The following ASTN1 variants were observed in gnomAD, a reference collection of about 807,000 sequenced individuals.
The protein encoded by ASTN1 is astrotactin 1, also known as astrotactin-1.
ASTN1 carries 41 observed loss-of-function variants against 140.7 expected under a neutral mutation model. The observed-to-expected ratio is 0.29, with a 90% CI of 0.23 to 0.38. ASTN1 has a LOEUF of 0.38. ASTN1 is among the 10% of genes least tolerant of loss of function. ASTN1 has a pLI of 1.00. For synonymous variants in ASTN1, 640 were observed against 652.2 expected, an observed-to-expected ratio of 0.98 and a Z score of 0.29; for missense variants, 1,479 against 1,678.8, an observed-to-expected ratio of 0.88 and a Z score of 2.08.
At chr1:176,911,721 G>A (rs2103060548) in intron 16 of ASTN1, among the ~76,000 whole-genome samples, 1 of 152,208 alleles carries the variant, frequency 6.6e-6, no homozygotes, top group Admixed American at 6.5e-5. Flanking sequence ...TGGAAGACCT[G>A]CCTGAAGCTG....
At chr1:177,081,339 A>C (rs1230170868) in intron 1 of ASTN1, among the ~76,000 whole-genome samples, 1 of 152,210 alleles carries the variant, frequency 6.6e-6, no homozygotes, top group African/African-American at 2.4e-5. Flanking sequence ...GATTACAAAT[A>C]TGAATGAGCT....
rs201680062 is a variant in ASTN1, at chr1:176,934,300, A to C, written c.2523T>G (p.Ser841=). ...NALHSLDGAT[S]RADFVALLDQ... ...CCAACAGCGCCACAAAATCTGCACG[A>C]GATGTAGCCCCATCCAGCGAGTGGA... The change falls in exon 16 of 23, where the codon TCT becomes TCG. Residue 841 remains serine, a synonymous_variant. Transcript: ENST00000361833. 9 of 1,613,950 alleles carry C rather than the reference A, an allele frequency of 5.6e-6. No homozygotes were observed. The highest frequency in any genetic ancestry group is 6.8e-6 in the Non-Finnish European group (8 of 1,179,882).
At position 176,946,024 on chromosome 1, in the gene ASTN1, C is replaced by T; in HGVS notation, c.2151G>A (p.Glu717=). ...CAAAGAGGGTCTGGTTCATGGGAAG[C>T]TCCCTGCTTTCCCCACAGTCACTTC... ...PEGSDCGESR[E]LPMNQTLFGE... is the part of the protein sequence containing the mutation. Residue 717 remains glutamate, a synonymous_variant, in exon 13 of 23, where the codon GAG becomes GAA. Coordinates refer to ENST00000361833, the MANE Select transcript of ASTN1 (RefSeq NM_004319.3). 3 of 1,614,154 alleles carry T rather than the reference C, an allele frequency of 1.9e-6. No homozygotes were observed. The highest frequency in any genetic ancestry group is 1.3e-5 in the African/African-American group (1 of 75,064).
Position 177,018,255 on chromosome 1 carries a change from C to T in ASTN1, c.1439-3380G>A, listed in dbSNP as rs548413404. Among the ~76,000 whole-genome samples the T allele has an allele frequency of 8.5e-5, 13 of 152,248 alleles. No individual in the cohort carries two copies. The East Asian group carries it at 1.5e-3, about 18-fold the overall frequency. On this transcript the variant is annotated intron_variant, in intron 7 of 22. Transcript: ENST00000361833. ...AAGGTGCTTTAATGGAGTTACAGAACGGAGTGTAGCATGTGTTAGCAATCC... is the reference window on the plus strand; with the variant it reads ...AAGGTGCTTTAATGGAGTTACAGAATGGAGTGTAGCATGTGTTAGCAATCC...
At chr1:176,968,045 T>C (rs986172436) in intron 8 of ASTN1, among the ~76,000 whole-genome samples, 1 of 152,160 alleles carries the variant, frequency 6.6e-6, no homozygotes, top group Non-Finnish European at 1.5e-5. Context: ...ATTCTGGAGT[T>C]AGCCTGCCTA....
At chr1:177,014,747 CA>C in intron 8 of ASTN1, 43 bp downstream of exon 8, 1 of 1,530,920 alleles carries the variant, frequency 6.5e-7, no homozygotes, top group Non-Finnish European at 9.0e-7. Context: ...GTGTAAGGAG[CA>C]GTGATATGTG....
chr1:177,023,278 C>T lies in ASTN1; in HGVS notation c.1438+126G>A, dbSNP rs558564548. 4.3e-5 allele frequency: 53 copies of T among 1,219,188 alleles called. 1 individual carries two copies. In the Admixed American group the frequency reaches 7.4e-4, roughly 17 times the overall value. 75.5% of individuals were successfully genotyped at this position (1,219,188 alleles called of 1,614,324 possible). ...GCGGCCCAACCACATGCAGGCAGTCCGCATGGTCTAGGCTCGAGATGGCAG... is the reference window on the plus strand; with the variant it reads ...GCGGCCCAACCACATGCAGGCAGTCTGCATGGTCTAGGCTCGAGATGGCAG... On this transcript the variant is annotated intron_variant, in intron 7 of 22. Transcript: ENST00000361833.
chr1:177,088,734 G>C (rs922925931), intron 1 of ASTN1, among the ~76,000 whole-genome samples: 3 of 152,130 alleles, frequency 2.0e-5, no homozygotes, highest in Non-Finnish European at 4.4e-5. Flanking sequence ...CTGCCTTCCA[G>C]TCGTACTCCC....
At chr1:176,860,395 C>A (rs1411442142), downstream of ASTN1, among the ~76,000 whole-genome samples, 1 of 152,132 alleles carries the variant, frequency 6.6e-6, no homozygotes, top group Non-Finnish European at 1.5e-5. Flanking sequence ...CCTATTAAGT[C>A]CAGGCACTTA....
chr1:177,107,950 G>C (rs1680629962), intron 1 of ASTN1, among the ~76,000 whole-genome samples: 1 of 149,422 alleles, frequency 6.7e-6, no homozygotes, highest in African/African-American at 2.4e-5. Flanking sequence ...TGTTACAAAA[G>C]GGAAGAAGTT....
rs114596502 is a variant in ASTN1 at position 176,911,318 on chromosome 1, C to T, written c.2672-16488G>A. On this transcript the variant is annotated intron_variant, in intron 16 of 22. Coordinates refer to ENST00000361833, the MANE Select transcript of ASTN1 (RefSeq NM_004319.3). ...TCCTGCAGACTTTAGAAACACTGGA[C>T]ACTTAGGCTACACTAAATTTACTTT... 9.2e-3 allele frequency among the ~76,000 whole-genome samples: 1,401 copies of T among 152,156 alleles called. 25 individuals are homozygous for T. Among genetic ancestry groups the T allele is most frequent in the African/African-American group, 0.032 (1,327 of 41,510 alleles).
intron 16 of ASTN1, among the ~76,000 whole-genome samples, chr1:176,927,648 T>A (rs1384624553): frequency 3.9e-5 from 6 of 152,166 alleles, no homozygotes; most frequent in Admixed American, 3.3e-4. Context: ...AAAATGTGGA[T>A]GTTAATTACA....
intron 8 of ASTN1, among the ~76,000 whole-genome samples, chr1:176,975,012 C>T (rs967130146): frequency 6.6e-6 from 1 of 152,196 alleles, no homozygotes; most frequent in South Asian, 2.1e-4. Flanking sequence ...GCTAGCTGCT[C>T]CTTTGATTTA....
intron 16 of ASTN1, among the ~76,000 whole-genome samples, chr1:176,908,491 T>A (rs1210983711): frequency 6.6e-6 from 1 of 152,170 alleles, no homozygotes; most frequent in Non-Finnish European, 1.5e-5. Flanking sequence ...GCATATCATA[T>A]CCCAGGCCAA....
intron 7 of ASTN1, among the ~76,000 whole-genome samples, chr1:177,021,418 C>T (rs1675818578): frequency 6.6e-6 from 1 of 152,168 alleles, no homozygotes; most frequent in African/African-American, 2.4e-5. Flanking sequence ...CTTCCTGGCA[C>T]ATGGAACAGT....
In ASTN1 at chr1:177,061,270, A is replaced by G. The variant is rs759159532; in HGVS notation, c.284-5T>C. The G allele has an allele frequency of 1.3e-6, 2 of 1,511,588 alleles. No individual in the cohort carries two copies. The highest frequency in any genetic ancestry group is 1.8e-6 in the Non-Finnish European group (2 of 1,125,928). The allele number at this position is 1,511,588 out of a possible 1,614,324, so 93.6% of individuals were successfully genotyped here. On this transcript the variant is annotated splice_polypyrimidine_tract_variant and splice_region_variant and intron_variant, in intron 1 of 22. Coordinates refer to ENST00000361833, the MANE Select transcript of ASTN1 (RefSeq NM_004319.3). The stretch of plus-strand genomic sequence containing the variant: ...CCTCTGTGTTCCCTGAGATCTCTAG[A>G]AGATGAACACCAAAGGCACAGGTGA...
intron 1 of ASTN1, among the ~76,000 whole-genome samples, chr1:177,164,076 T>C (rs1647549168): frequency 6.6e-6 from 1 of 152,064 alleles, no homozygotes; most frequent in African/African-American, 2.4e-5. Context: ...CAAAAAGTGC[T>C]GTGTGGATGT....
chr1:176,864,509 G>A lies in ASTN1; in HGVS notation c.3660C>T (p.Leu1220=), dbSNP rs1668069020. 1 of 1,614,018 alleles carries A rather than the reference G, an allele frequency of 6.2e-7. No individual in the cohort carries two copies. Among genetic ancestry groups the A allele is most frequent in the South Asian group, 1.1e-5 (1 of 91,068 alleles). ...TGAGGTCCCCAAGCTGGGAAAGGAT[G>A]AGACCAGCTTTCCTATGGATCAAGC... The part of the protein sequence containing the change: ...EDELGPRKAG[L]ILSQLGDLSS... Residue 1220 remains leucine (L), a synonymous_variant, in exon 23 of 23, where the codon CTC becomes CTT. Coordinates refer to ENST00000361833, the MANE Select transcript of ASTN1 (RefSeq NM_004319.3).
intron 8 of ASTN1, among the ~76,000 whole-genome samples, chr1:176,969,794 C>T (rs888679403): frequency 2.0e-5 from 3 of 152,136 alleles, no homozygotes; most frequent in Non-Finnish European, 4.4e-5. Context: ...TCTTTTTAGT[C>T]AGAATAGAGC....
Sources: gnomAD v4.1 joint callset for allele counts (sites outside exome capture counted in the v4.1 genomes callset) on GRCh38, gnomAD v4.1.1 for gene constraint, MANE v1.5 for transcripts, NCBI Gene and HGNC (gene_info 2026-07-23, HGNC 2026-07-21) for gene names.